CWF19L2: variants seen among roughly 807,000 people sequenced by gnomAD.
CWF19L2 encodes the protein CWF19-like protein 2.
Under a neutral mutation model 111.7 loss-of-function variants are expected in CWF19L2, and 98 were observed. That is an observed-to-expected ratio of 0.88 (90% CI 0.75 to 1.04). The LOEUF (loss-of-function observed/expected upper bound fraction) is 1.04, where lower values mean the gene tolerates loss of function less well. Among genes scored for constraint, CWF19L2 ranks in the 50% least tolerant of loss-of-function variants. The probability of loss-of-function intolerance (pLI) is 0.00; values close to 1 mark genes in which losing one functional copy is unlikely to be tolerated. For synonymous variants in CWF19L2, 351 were observed against 342.9 expected, an observed-to-expected ratio of 1.02 and a Z score of -0.26; for missense variants, 1,101 against 1,051.4, an observed-to-expected ratio of 1.05 and a Z score of -0.65.
intron 12 of CWF19L2, among the ~76,000 whole-genome samples, chr11:107,358,711 T>C (rs1406338486): frequency 1.3e-5 from 2 of 152,168 alleles, no homozygotes; most frequent in South Asian, 2.1e-4. Flanking sequence ...TTGAGAGGAT[T>C]AGCTAATTTT....
chr11:107,328,628 G>A (rs1859798341), intron 17 of CWF19L2, among the ~76,000 whole-genome samples: 1 of 152,126 alleles, frequency 6.6e-6, no homozygotes, highest in African/African-American at 2.4e-5. Context: ...CAGAATGCAT[G>A]AATAATATGT....
At chr11:107,402,165 G>A (rs929909957) in intron 10 of CWF19L2, among the ~76,000 whole-genome samples, 1 of 152,102 alleles carries the variant, frequency 6.6e-6, no homozygotes, top group African/African-American at 2.4e-5. Flanking sequence ...TCTAGACATT[G>A]GCTTAGGAAA....
chr11:107,403,524 G>C (rs1861036233), intron 10 of CWF19L2: 1 of 818,388 alleles, frequency 1.2e-6, no homozygotes, highest in Non-Finnish European at 2.2e-6. Flanking sequence ...ACCCCCTCCT[G>C]CCCATTCTCC....
intron 12 of CWF19L2, among the ~76,000 whole-genome samples, chr11:107,363,022 G>T (rs899872237): frequency 5.3e-5 from 8 of 152,160 alleles, no homozygotes; most frequent in Non-Finnish European, 8.8e-5. Context: ...ACTACGTGAA[G>T]AATGCAGAAG....
In CWF19L2 at chr11:107,357,877, T is replaced by C. The variant is rs371175800; in HGVS notation, c.1873-4141A>G. Among the ~76,000 whole-genome samples the C allele has an allele frequency of 1.1e-4, 16 of 152,264 alleles. No homozygotes were observed. The East Asian group carries it at 2.3e-3, about 22-fold the overall frequency. On this transcript the variant is annotated intron_variant, in intron 12 of 17. Transcript: ENST00000282251. The stretch of plus-strand genomic sequence containing the variant: ...AAAAGATAGTGGAGAATGTACTAAG[T>C]GTAAGATGGAAAAAGTGAACAAAAC...
intron 3 of CWF19L2, among the ~76,000 whole-genome samples, chr11:107,447,487 A>T (rs977894468): frequency 1.3e-5 from 2 of 152,236 alleles, no homozygotes; most frequent in Non-Finnish European, 2.9e-5. Context: ...AAGACATTCT[A>T]GTTCCTCCCA....
chr11:107,337,641 G>A lies in CWF19L2; in HGVS notation c.2203-928C>T, dbSNP rs190516259. On this transcript the variant is annotated intron_variant, in intron 14 of 17. Coordinates refer to ENST00000282251, the MANE Select transcript of CWF19L2 (RefSeq NM_152434.3). ...AGCTGTCTAAGAATTCTGGATGAGC[G>A]CGGTGGCTCATGCCTGTAATCCCAG... 2.1e-3 allele frequency among the ~76,000 whole-genome samples: 319 copies of A among 152,194 alleles called. 1 individual carries two copies. Among genetic ancestry groups the A allele is most frequent in the African/African-American group, 7.3e-3 (301 of 41,516 alleles).
intron 12 of CWF19L2, among the ~76,000 whole-genome samples, chr11:107,370,727 A>C (rs928772164): frequency 2.9e-5 from 4 of 137,554 alleles, no homozygotes; most frequent in Admixed American, 1.4e-4. Context: ...TTAATTCTAC[A>C]CTTTCTTACC....
intron 16 of CWF19L2, among the ~76,000 whole-genome samples, chr11:107,333,279 T>C (rs961479232): frequency 6.6e-6 from 1 of 152,170 alleles, no homozygotes; most frequent in Non-Finnish European, 1.5e-5. Flanking sequence ...TTATGTTTCA[T>C]AATGTTAAGT....
chr11:107,370,808 T>A (rs1421450602), intron 12 of CWF19L2, among the ~76,000 whole-genome samples: 1 of 137,290 alleles, frequency 7.3e-6, no homozygotes, highest in Non-Finnish European at 1.6e-5. Flanking sequence ...CATTAGAATA[T>A]TTGTATGTCC....
intron 12 of CWF19L2, among the ~76,000 whole-genome samples, chr11:107,357,916 G>C (rs1157246097): frequency 6.6e-6 from 1 of 152,136 alleles, no homozygotes; most frequent in East Asian, 1.9e-4. Flanking sequence ...TGGATGAAAG[G>C]AGATAAAGAA....
chr11:107,361,138 G>A (rs908402295), intron 12 of CWF19L2, among the ~76,000 whole-genome samples: 2 of 152,170 alleles, frequency 1.3e-5, no homozygotes, highest in Non-Finnish European at 2.9e-5. Context: ...TATGTTCAGA[G>A]ATATGGGTCC....
intron 12 of CWF19L2, among the ~76,000 whole-genome samples, chr11:107,388,808 G>C (rs1016553490): frequency 6.6e-6 from 1 of 152,096 alleles, no homozygotes; most frequent in Non-Finnish European, 1.5e-5. Flanking sequence ...CTTCTGAAAA[G>C]GAAACTCTAA....
Position 107,336,715 on chromosome 11 carries a change from T to TA in CWF19L2, c.2203-3dup, listed in dbSNP as rs540909186. Reference sequence around the variant, plus strand: ...CTTTACCAATGATTTTCTGAACATCTAAAAAAAAAAAAGAACTAGGTAAAG... The same window carrying TA: ...CTTTACCAATGATTTTCTGAACATCTAAAAAAAAAAAAAGAACTAGGTAAAG... On this transcript the variant is annotated splice_polypyrimidine_tract_variant and splice_region_variant and intron_variant, in intron 14 of 17. Transcript: ENST00000282251. 0.016 allele frequency: 18,557 copies of TA among 1,145,034 alleles called. 1 individual carries two copies. Among genetic ancestry groups the TA allele is most frequent in the South Asian group, 0.019 (1,132 of 58,382 alleles). The allele number at this position is 1,145,034 out of a possible 1,614,324, so 70.9% of individuals were successfully genotyped here. A position where few individuals can be genotyped will look rare whatever the true frequency, so the allele number is the denominator to read the frequency against.
chr11:107,379,336 A>AG (rs148548177), intron 12 of CWF19L2, among the ~76,000 whole-genome samples: 6,305 of 152,292 alleles, frequency 0.041, 411 homozygotes, highest in African/African-American at 0.14. Context: ...TTAGGGTGAG[A>AG]GGGGTTGCTA....
chr11:107,439,095 G>C lies in CWF19L2; in HGVS notation c.659C>G (p.Thr220Ser), dbSNP rs770751290. Residue 220 changes from threonine (T) to serine (S), a missense_variant, in exon 6 of 18, where the codon ACT (threonine) becomes AGT (serine). Transcript: ENST00000282251. ...PPEDCSVSSI[T>S]KVSVVEDGGL... ...TAATCAAAATGTAGAAATACCTTTAGTAATCGATGACACACTACAGTCTTC... is the reference window on the plus strand; with the variant it reads ...TAATCAAAATGTAGAAATACCTTTACTAATCGATGACACACTACAGTCTTC... 2 of 1,047,544 alleles carry C rather than the reference G, an allele frequency of 1.9e-6. No individual in the cohort carries two copies. Among genetic ancestry groups the C allele is most frequent in the South Asian group, 2.6e-5 (2 of 76,192 alleles). The allele number at this position is 1,047,544 out of a possible 1,614,324, so 64.9% of individuals were successfully genotyped here.
In CWF19L2 at chr11:107,442,772, AAGGAAGGAAGGAAGGAAGGAAGGGAGGG is replaced by A. The variant is rs1295298228; in HGVS notation, c.450+139_450+166del. ...GAAGGAAGGAAGGAAGGAAGGAAGG[AAGGAAGGAAGGAAGGAAGGAAGGGAGGG>A]AGGGAGGGAGGGAGGGAGGGGGAGG... On this transcript the variant is annotated intron_variant, in intron 4 of 17. Coordinates refer to ENST00000282251, the MANE Select transcript of CWF19L2 (RefSeq NM_152434.3). 1.3e-3 allele frequency among the ~76,000 whole-genome samples: 63 copies of A among 49,020 alleles called. 1 individual carries two copies. Among genetic ancestry groups the A allele is most frequent in the South Asian group, 9.6e-3 (10 of 1,046 alleles). 32.2% of individuals were successfully genotyped at this position (49,020 alleles called of 152,430 possible).
In CWF19L2 at chr11:107,370,488, G is replaced by A. The variant is rs918277449; in HGVS notation, c.1873-16752C>T. Among the ~76,000 whole-genome samples, 3 of 132,986 alleles carry A rather than the reference G, an allele frequency of 2.3e-5. 1 individual carries two copies. Among genetic ancestry groups the A allele is most frequent in the Admixed American group, 2.2e-4 (3 of 13,580 alleles). The allele number at this position is 132,986 out of a possible 152,430, so 87.2% of individuals were successfully genotyped here. On this transcript the variant is annotated intron_variant, in intron 12 of 17. Coordinates refer to ENST00000282251, the MANE Select transcript of CWF19L2 (RefSeq NM_152434.3). ...TTTGAGAATTAAAACTAACATATTA[G>A]AGAGAGAAGTTTATGGCACAAGAAT...
chr11:107,396,003 C>T (rs1860916280), intron 10 of CWF19L2, among the ~76,000 whole-genome samples: 1 of 152,178 alleles, frequency 6.6e-6, no homozygotes, highest in African/African-American at 2.4e-5. Context: ...CTTTCCCCTT[C>T]AGTGAGCTCT....
Sources: allele counts gnomAD v4.1 joint callset (sites outside exome capture counted in the v4.1 genomes callset), GRCh38; gene constraint gnomAD v4.1.1; transcripts MANE v1.5; gene names NCBI Gene and HGNC (gene_info 2026-07-23, HGNC 2026-07-21).